The following PTPRD variants were observed in gnomAD, a reference collection of about 807,000 sequenced individuals.
PTPRD encodes receptor-type tyrosine-protein phosphatase delta.
Under a neutral mutation model 214.5 loss-of-function variants are expected in PTPRD, and 34 were observed. The ratio of observed to expected loss-of-function variants is 0.16; its 90% CI spans 0.12 to 0.21. The LOEUF is 0.21. Ranked by LOEUF, PTPRD falls within the 10% of genes least tolerant of loss-of-function variation. The pLI, the probability that PTPRD is intolerant of heterozygous loss-of-function variation, is 1.00. For synonymous variants in PTPRD, 1,128 were observed against 845.7 expected (o/e 1.33, Z -5.79); for missense variants, 2,545 against 2,398.7 (o/e 1.06, Z -1.27).
chr9:10,389,311 A>G (rs961229464), intron 2 of PTPRD, among the ~76,000 whole-genome samples: 5 of 151,792 alleles, frequency 3.3e-5, no homozygotes, highest in African/African-American at 1.2e-4. Flanking sequence ...TGTGAGAATT[A>G]CTCCCTAGGA....
chr9:8,458,822 G>C (rs2096290424), intron 33 of PTPRD, among the ~76,000 whole-genome samples: 1 of 151,966 alleles, frequency 6.6e-6, no homozygotes, highest in African/African-American at 2.4e-5. Flanking sequence ...GGAGATTTTG[G>C]CTTTCCACAC....
intron 10 of PTPRD, among the ~76,000 whole-genome samples, chr9:9,091,861 A>G (rs891783023): frequency 5.3e-5 from 8 of 152,264 alleles, no homozygotes; most frequent in African/African-American, 1.9e-4. Flanking sequence ...TTAAAACTCA[A>G]TTGGGTTTTG....
chr9:9,074,694 A>G (rs1331306532), intron 10 of PTPRD, among the ~76,000 whole-genome samples: 2 of 151,890 alleles, frequency 1.3e-5, no homozygotes, highest in South Asian at 2.1e-4. Flanking sequence ...GCTTTTGCCC[A>G]TTTTTAAATC....
intron 2 of PTPRD, among the ~76,000 whole-genome samples, chr9:10,423,554 T>A (rs1347218155): frequency 6.6e-6 from 1 of 151,978 alleles, no homozygotes; most frequent in East Asian, 1.9e-4. Context: ...CTCTTTTGTT[T>A]CATTTTATTA....
intron 11 of PTPRD, among the ~76,000 whole-genome samples, chr9:8,813,410 C>A (rs1186791992): frequency 2.0e-5 from 3 of 152,162 alleles, no homozygotes; most frequent in African/African-American, 7.2e-5. Context: ...GCATGCTATT[C>A]CTTTTCCTTC....
At chr9:9,851,271 T>G (rs879677394) in intron 5 of PTPRD, among the ~76,000 whole-genome samples, 2 of 152,222 alleles carry the variant, frequency 1.3e-5, no homozygotes, top group African/African-American at 4.8e-5. Context: ...TGAGGGTTAA[T>G]GCAGTATCGT....
At chr9:9,986,934 T>C (rs1408202176) in intron 4 of PTPRD, among the ~76,000 whole-genome samples, 1 of 151,872 alleles carries the variant, frequency 6.6e-6, no homozygotes, top group Non-Finnish European at 1.5e-5. Context: ...TCTCTAGAAT[T>C]CTGAATATTT....
intron 7 of PTPRD, among the ~76,000 whole-genome samples, chr9:9,681,129 C>T (rs1410687357): frequency 6.6e-6 from 1 of 151,762 alleles, no homozygotes; most frequent in Admixed American, 6.6e-5. Flanking sequence ...TGGAAATACT[C>T]AAAGCCAATT....
intron 5 of PTPRD, among the ~76,000 whole-genome samples, chr9:9,871,875 A>T (rs551151272): frequency 6.6e-6 from 1 of 152,240 alleles, no homozygotes; most frequent in Non-Finnish European, 1.5e-5. Flanking sequence ...ATAGGAATGC[A>T]TAAGTCTAAC....
intron 14 of PTPRD, among the ~76,000 whole-genome samples, chr9:8,616,700 T>A (rs918502272): frequency 2.0e-5 from 3 of 152,132 alleles, no homozygotes; most frequent in African/African-American, 7.2e-5. Context: ...TACCCTACTT[T>A]CAGAGCATAT....
rs116580354 is a variant in PTPRD, at chr9:9,926,422, G to C, written c.-368+12085C>G. Among the ~76,000 whole-genome samples the C allele has an allele frequency of 7.1e-3, 1,079 of 151,804 alleles. 12 individuals carry two copies. Among genetic ancestry groups the C allele is most frequent in the African/African-American group, 0.025 (1,040 of 41,420 alleles). ...GGGATAAAGCCAGGGAATATGGAAA[G>C]AAAAAAGGAAGATATCAAGGAGGCT... On this transcript the variant is annotated intron_variant, in intron 5 of 45. Coordinates refer to ENST00000381196, the MANE Select transcript of PTPRD (RefSeq NM_002839.4).
At chr9:9,912,868 C>T (rs1200038612) in intron 5 of PTPRD, among the ~76,000 whole-genome samples, 1 of 152,112 alleles carries the variant, frequency 6.6e-6, no homozygotes, top group Admixed American at 6.6e-5. Flanking sequence ...CTAACTTCCT[C>T]ATAGGAAAGA....
At chr9:8,838,286 G>A (rs1456282652) in intron 11 of PTPRD, among the ~76,000 whole-genome samples, 2 of 151,068 alleles carry the variant, frequency 1.3e-5, no homozygotes, top group Non-Finnish European at 2.9e-5. Flanking sequence ...GGGGAAGGAA[G>A]GACAGTTCGG....
chr9:9,376,640 T>C (rs936127413), intron 9 of PTPRD, among the ~76,000 whole-genome samples: 4 of 152,150 alleles, frequency 2.6e-5, no homozygotes, highest in Non-Finnish European at 5.9e-5. Context: ...AAACAGTCTA[T>C]GTCTTGAAAA....
intron 9 of PTPRD, among the ~76,000 whole-genome samples, chr9:9,281,762 A>T (rs905595179): frequency 6.6e-6 from 1 of 151,346 alleles, no homozygotes; most frequent in Non-Finnish European, 1.5e-5. Context: ...TACTCAAGTA[A>T]GTTGAAAACT....
intron 30 of PTPRD, among the ~76,000 whole-genome samples, chr9:8,479,032 C>T (rs72693000): frequency 6.6e-6 from 1 of 152,184 alleles, no homozygotes; most frequent in African/African-American, 2.4e-5. Context: ...GCCCACCGTT[C>T]TGGAATGAGT....
intron 2 of PTPRD, among the ~76,000 whole-genome samples, chr9:10,362,164 G>A (rs1292249799): frequency 2.6e-5 from 4 of 152,004 alleles, no homozygotes; most frequent in Non-Finnish European, 4.4e-5. Flanking sequence ...TGAGCTAATC[G>A]CTCAACAATC....
chr9:9,931,885 C>G (rs377710219), intron 5 of PTPRD, among the ~76,000 whole-genome samples: 91 of 149,432 alleles, frequency 6.1e-4, no homozygotes, highest in South Asian at 2.0e-3. Context: ...GATCTGAGAA[C>G]GGGCAGACTG....
At chr9:9,577,610 G>A (rs73388918) in intron 7 of PTPRD, among the ~76,000 whole-genome samples, 4,877 of 151,956 alleles carry the variant, frequency 0.032, 237 homozygotes, top group African/African-American at 0.1. Flanking sequence ...ATTTTAACAC[G>A]ATGTGCATAA....
Sources: gnomAD v4.1 joint callset for allele counts (sites outside exome capture counted in the v4.1 genomes callset) on GRCh38, gnomAD v4.1.1 for gene constraint, MANE v1.5 for transcripts, NCBI Gene and HGNC (gene_info 2026-07-23, HGNC 2026-07-21) for gene names.